ZNF462: variants seen among roughly 807,000 people sequenced by gnomAD.
ZNF462 encodes zinc finger PBX1-interacting protein.
Under a neutral mutation model 201.9 loss-of-function variants are expected in ZNF462, and 10 were observed. The observed-to-expected ratio is 0.05, with a 90% CI of 0.03 to 0.08. The LOEUF is 0.08. Ranked by LOEUF, ZNF462 falls within the 10% of genes least tolerant of loss-of-function variation. The pLI, the probability that ZNF462 is intolerant of heterozygous loss-of-function variation, is 1.00. For missense variants in ZNF462, 2,523 were observed against 3,168.3 expected (o/e 0.80, Z 4.89); for synonymous variants, 1,227 against 1,193.3 (o/e 1.03, Z -0.58).
In ZNF462 at chr9:106,917,727, T is replaced by G. The variant is rs1829830793; in HGVS notation, c.-30-5627T>G. ...GCAAAAAGTATAAACATTTGATAGG[T>G]CATTTGAAGACTACATGGTGAGCCA... is the stretch of plus-strand genomic sequence containing the variant. On this transcript the variant is annotated intron_variant, in intron 1 of 12. Transcript: ENST00000277225. The surrounding 1 kb of genome is among the most constrained non-coding windows in gnomAD (Gnocchi z 4.5). Among the ~76,000 whole-genome samples, 1 of 152,156 alleles carries G rather than the reference T, an allele frequency of 6.6e-6. No individual in the cohort carries two copies. Among genetic ancestry groups the G allele is most frequent in the Non-Finnish European group, 1.5e-5 (1 of 68,030 alleles).
At position 106,920,144 on chromosome 9, in the gene ZNF462, C is replaced by CT. The variant is rs796501261; in HGVS notation, c.-30-3198dup. Among the ~76,000 whole-genome samples the CT allele has an allele frequency of 2.7e-3, 386 of 144,874 alleles. 1 individual carries two copies. The highest frequency in any genetic ancestry group is 4.1e-3 in the Non-Finnish European group (269 of 65,644). Reference sequence around the variant, plus strand: ...AAGATATGCAGAGCTTATTTCTCACCTTTTTTTTTTTTCCTCGGTTTTGGT... The same window carrying CT: ...AAGATATGCAGAGCTTATTTCTCACCTTTTTTTTTTTTTCCTCGGTTTTGGT... On this transcript the variant is annotated intron_variant, in intron 1 of 12. Coordinates refer to ENST00000277225, the MANE Select transcript of ZNF462 (RefSeq NM_021224.6). This position sits in a 1 kb window ranked among gnomAD's most constrained non-coding sequence, Gnocchi z 4.3.
chr9:106,882,873 C>T (rs182929433), intron 1 of ZNF462, among the ~76,000 whole-genome samples: 26 of 152,124 alleles, frequency 1.7e-4, no homozygotes, highest in Admixed American at 1.7e-3. Flanking sequence ...GTATGGAAGC[C>T]TCAAGGAATA....
intron 7 of ZNF462, among the ~76,000 whole-genome samples, chr9:106,956,084 C>T (rs116786308): frequency 1.7e-3 from 255 of 152,166 alleles, no homozygotes; most frequent in African/African-American, 5.8e-3. Context: ...TGATTCCTTT[C>T]GAAAAGTGTT....
At chr9:106,897,384 G>T (rs892649963) in intron 1 of ZNF462, among the ~76,000 whole-genome samples, 8 of 152,246 alleles carry the variant, frequency 5.3e-5, no homozygotes, top group African/African-American at 1.7e-4. Context: ...GATGCCTGGG[G>T]TTCTTAGCTT....
chr9:106,881,318 A>C (rs1482320319), intron 1 of ZNF462, among the ~76,000 whole-genome samples: 1 of 152,144 alleles, frequency 6.6e-6, no homozygotes, highest in Non-Finnish European at 1.5e-5. Context: ...CTTTTCTGTC[A>C]GTATTGGTAG....
At chr9:106,958,587 G>A (rs754697407) in intron 7 of ZNF462, among the ~76,000 whole-genome samples, 1 of 152,118 alleles carries the variant, frequency 6.6e-6, no homozygotes. Flanking sequence ...TTCTCAAAAT[G>A]AGTAGTAAGC....
Position 106,883,556 on chromosome 9 carries a change from A to G in ZNF462, c.-31+20201A>G, listed in dbSNP as rs904832339. 1.3e-5 allele frequency among the ~76,000 whole-genome samples: 2 copies of G among 152,218 alleles called. No homozygotes were observed. The highest frequency in any genetic ancestry group is 4.8e-5 in the African/African-American group (2 of 41,448). ...GCGTCATTAGTTCATTTTTCAGTGAATGCTAGGCCAAGGTTAGTGTTGAAG... is the reference window on the plus strand; with the variant it reads ...GCGTCATTAGTTCATTTTTCAGTGAGTGCTAGGCCAAGGTTAGTGTTGAAG... On this transcript the variant is annotated intron_variant, in intron 1 of 12. Transcript: ENST00000277225. This position sits in a 1 kb window ranked among gnomAD's most constrained non-coding sequence, Gnocchi z 4.9.
At chr9:106,948,616 A>G (rs1233458641) in intron 7 of ZNF462, among the ~76,000 whole-genome samples, 1 of 151,884 alleles carries the variant, frequency 6.6e-6, no homozygotes, top group East Asian at 1.9e-4. Context: ...AGTCATCTAG[A>G]TATTTGTTCT....
In ZNF462 at chr9:107,003,431, GTC is replaced by G; in HGVS notation, c.7189+8_7189+9del. On this transcript the variant is annotated splice_donor_region_variant and intron_variant, in intron 11 of 12. Coordinates refer to ENST00000277225, the MANE Select transcript of ZNF462 (RefSeq NM_021224.6). This position sits in a 1 kb window ranked among gnomAD's most constrained non-coding sequence, Gnocchi z 4.4. ...ACAGCAAGGCTGAAGACAGAGGTTA[GTC>G]TCATCCTGCCCTCCCAATCCCAGAT... is the stretch of plus-strand genomic sequence containing the variant. 6.2e-7 allele frequency: 1 copy of G among 1,612,954 alleles called. No homozygotes were observed. The highest frequency in any genetic ancestry group is 8.5e-7 in the Non-Finnish European group (1 of 1,179,536).
At chr9:106,863,091 T>G (rs1374058532), upstream of ZNF462, 471 of 322,882 alleles carry the variant, frequency 1.5e-3, no homozygotes, top group African/African-American at 4.2e-3. Context: ...AGAGAGAGAG[T>G]GAGAGGGAGA....
At chr9:106,903,290 G>C (rs1033601748) in intron 1 of ZNF462, among the ~76,000 whole-genome samples, 1 of 152,132 alleles carries the variant, frequency 6.6e-6, no homozygotes, top group Non-Finnish European at 1.5e-5. Flanking sequence ...GTCTGAGAGA[G>C]TGCTTAAAAT....
At chr9:106,884,381 G>A (rs1212490021) in intron 1 of ZNF462, among the ~76,000 whole-genome samples, 2 of 152,160 alleles carry the variant, frequency 1.3e-5, no homozygotes, top group Admixed American at 1.3e-4. Flanking sequence ...CTATGGAATA[G>A]GCTTTCGTCT....
At chr9:106,911,416 A>T (rs192954967) in intron 1 of ZNF462, among the ~76,000 whole-genome samples, 1 of 152,298 alleles carries the variant, frequency 6.6e-6, no homozygotes, top group Admixed American at 6.5e-5. Flanking sequence ...TGTTTCATAC[A>T]GGAAGGAAAA....
rs1183604628 is a variant in ZNF462, at chr9:107,009,128, T to G, written c.7190-417T>G. 1 of 168,230 alleles carries G rather than the reference T, an allele frequency of 5.9e-6. No homozygotes were observed. The highest frequency in any genetic ancestry group is 1.6e-4 in the East Asian group (1 of 6,290). 10.4% of individuals were successfully genotyped at this position (168,230 alleles called of 1,614,324 possible). ...GGGCTTTCGGTAGCCTATGTTCTTT[T>G]CAGTGAACAAAGATAAACCTGTGTC... On this transcript the variant is annotated intron_variant, in intron 11 of 12. Transcript: ENST00000277225. The surrounding 1 kb of genome is among the most constrained non-coding windows in gnomAD (Gnocchi z 6.1).
intron 1 of ZNF462, among the ~76,000 whole-genome samples, chr9:106,901,457 A>G (rs1045110955): frequency 2.6e-5 from 4 of 152,052 alleles, no homozygotes; most frequent in Non-Finnish European, 5.9e-5. Context: ...GTGAAGAATG[A>G]TGGTGGTATT....
intron 1 of ZNF462, among the ~76,000 whole-genome samples, chr9:106,867,350 CTTA>C (rs1242221609): frequency 6.6e-6 from 1 of 152,058 alleles, no homozygotes; most frequent in Non-Finnish European, 1.5e-5. Flanking sequence ...GTTCATGTGG[CTTA>C]TTATGCAAAT....
At chr9:106,942,648 A>G (rs535524091) in intron 7 of ZNF462, among the ~76,000 whole-genome samples, 27 of 152,336 alleles carry the variant, frequency 1.8e-4, no homozygotes, top group Admixed American at 5.2e-4. Flanking sequence ...CATATACAAC[A>G]CAGGACTAGC....
At chr9:106,956,090 G>A (rs568868973) in intron 7 of ZNF462, among the ~76,000 whole-genome samples, 26 of 152,196 alleles carry the variant, frequency 1.7e-4, no homozygotes, top group African/African-American at 6.3e-4. Flanking sequence ...CTTTCGAAAA[G>A]TGTTTTATTT....
At chr9:106,945,239 G>T (rs1474778575) in intron 7 of ZNF462, among the ~76,000 whole-genome samples, 1 of 152,150 alleles carries the variant, frequency 6.6e-6, no homozygotes, top group Non-Finnish European at 1.5e-5. Context: ...AAATATTTGT[G>T]CATGAATTAC....
Sources: gnomAD v4.1 joint callset for allele counts (sites outside exome capture counted in the v4.1 genomes callset) on GRCh38, gnomAD v4.1.1 for gene constraint, Gnocchi (gnomAD v3.1) non-coding constraint, MANE v1.5 for transcripts, NCBI Gene and HGNC (gene_info 2026-07-23, HGNC 2026-07-21) for gene names.